Variants in LAMB4 observed in about 807,000 individuals in gnomAD.
LAMB4 encodes the protein laminin subunit beta-4.
Under a neutral mutation model 199.2 loss-of-function variants are expected in LAMB4, and 196 were observed. The observed-to-expected ratio is 0.98, with a 90% CI of 0.88 to 1.11. LAMB4 has a LOEUF of 1.11. Among genes scored for constraint, LAMB4 ranks in the 50% least tolerant of loss-of-function variants. The pLI is 0.00. For synonymous variants in LAMB4, 744 were observed against 770.6 expected (o/e 0.97, Z 0.57); for missense variants, 2,080 against 2,171.2 (o/e 0.96, Z 0.83).
Position 108,029,064 on chromosome 7 carries a change from CCTCTGTAT to C in LAMB4, c.5117_5124del (p.Asp1706GlyfsTer20), listed in dbSNP as rs1222020568. On this transcript the variant is annotated frameshift_variant, in exon 33 of 34. Coordinates refer to ENST00000388781, the MANE Select transcript of LAMB4 (RefSeq NM_007356.3). LOFTEE classifies it high-confidence loss of function. ...ATACCTGTTATTCTTCTTATCTTGG[CCTCTGTAT>C]CTCCAGCCAATTTTTCTGCCGCATC... 6.2e-7 allele frequency: 1 copy of C among 1,613,538 alleles called. No homozygotes were observed. The highest frequency in any genetic ancestry group is 1.1e-5 in the South Asian group (1 of 90,906).
chr7:108,031,519 A>G (rs2035040529), intron 31 of LAMB4, among the ~76,000 whole-genome samples: 1 of 152,062 alleles, frequency 6.6e-6, no homozygotes, highest in Non-Finnish European at 1.5e-5. Flanking sequence ...CCCCTCAAAG[A>G]CAACCACTAT....
chr7:108,108,574 A>G (rs937500159), intron 5 of LAMB4, among the ~76,000 whole-genome samples: 1 of 151,784 alleles, frequency 6.6e-6, no homozygotes, highest in African/African-American at 2.4e-5. Flanking sequence ...TGTACTTATC[A>G]CTTTGTATTA....
Position 108,118,272 on chromosome 7 carries a change from T to C in LAMB4, c.35-2111A>G, listed in dbSNP as rs138379713. On this transcript the variant is annotated intron_variant, in intron 2 of 33. Coordinates refer to ENST00000388781, the MANE Select transcript of LAMB4 (RefSeq NM_007356.3). Reference sequence around the variant, plus strand: ...ATTCAAAATGATAGTGATAATTTTGTAGATGTAAAATAGCCTCTAGATGGA... The same window carrying C: ...ATTCAAAATGATAGTGATAATTTTGCAGATGTAAAATAGCCTCTAGATGGA... Among the ~76,000 whole-genome samples the C allele has an allele frequency of 1.3e-3, 204 of 152,272 alleles. 1 individual carries two copies. The highest frequency in any genetic ancestry group is 4.6e-3 in the African/African-American group (193 of 41,558).
intron 14 of LAMB4, among the ~76,000 whole-genome samples, chr7:108,083,948 T>A (rs1041686519): frequency 6.6e-6 from 1 of 152,228 alleles, no homozygotes; most frequent in African/African-American, 2.4e-5. Flanking sequence ...AGCAGACCAG[T>A]AGTCACAAGA....
chr7:108,066,488 G>A lies in LAMB4; in HGVS notation c.2559C>T (p.Gly853=). 2 of 1,614,120 alleles carry A rather than the reference G, an allele frequency of 1.2e-6. No individual in the cohort carries two copies. The highest frequency in any genetic ancestry group is 8.5e-7 in the Non-Finnish European group (1 of 1,179,984). ...SGRRCDRCLA[G]YFGFPSCHPC... The stretch of plus-strand genomic sequence containing the variant: ...GGTGGCAGCTGGGAAATCCAAAGTA[G>A]CCTGCCAGGCAGCGATCACAGCGGC... Residue 853 remains glycine, a synonymous_variant, in exon 20 of 34, where the codon GGC becomes GGT. Coordinates refer to ENST00000388781, the MANE Select transcript of LAMB4 (RefSeq NM_007356.3).
At chr7:108,042,937 C>CTATGTG (rs1554426273) in intron 29 of LAMB4, among the ~76,000 whole-genome samples, 32 of 140,392 alleles carry the variant, frequency 2.3e-4, no homozygotes, top group African/African-American at 8.2e-4. Context: ...CTCTCAATCT[C>CTATGTG]TGTGTGTGTG....
At chr7:108,034,716 G>T (rs2035163836) in intron 30 of LAMB4, among the ~76,000 whole-genome samples, 1 of 152,134 alleles carries the variant, frequency 6.6e-6, no homozygotes, top group Middle Eastern at 3.2e-3. Context: ...TATTGGAGTG[G>T]GGGTTGGGAG....
chr7:108,112,453 G>A (rs550381053), intron 3 of LAMB4, among the ~76,000 whole-genome samples: 3 of 151,574 alleles, frequency 2.0e-5, no homozygotes, highest in East Asian at 2.0e-4. Context: ...CACCACACCC[G>A]GCTATTTTTT....
At chr7:108,092,644 G>A (rs751554187) in intron 12 of LAMB4, among the ~76,000 whole-genome samples, 1 of 152,172 alleles carries the variant, frequency 6.6e-6, no homozygotes, top group Non-Finnish European at 1.5e-5. Context: ...GGTGGCTCCT[G>A]CCTGTAATCC....
rs952463397 is a variant in LAMB4, at chr7:108,125,593, T to C, written c.-33-2396A>G. ...TAGGATATATCATGGCATTCCTGCT[T>C]CTCTCCAGTGGAGAACCTATTCACA... is the stretch of plus-strand genomic sequence containing the variant. On this transcript the variant is annotated intron_variant, in intron 1 of 33. Transcript: ENST00000388781. Among the ~76,000 whole-genome samples the C allele has an allele frequency of 2.0e-5, 3 of 152,290 alleles. No homozygotes were observed. The East Asian group carries it at 5.8e-4, about 29-fold the overall frequency.
rs1342833325 is a variant in LAMB4, at chr7:108,126,725, C to T, written c.-33-3528G>A. Among the ~76,000 whole-genome samples, 9 of 148,498 alleles carry T rather than the reference C, an allele frequency of 6.1e-5. No homozygotes were observed. The East Asian group carries it at 9.7e-4, about 16-fold the overall frequency. Reference sequence around the variant, plus strand: ...GACTACAGGCGCCCGCCACCGCGCCCGACTAATTTTTTTTTTGTATTTTTA... The same window carrying T: ...GACTACAGGCGCCCGCCACCGCGCCTGACTAATTTTTTTTTTGTATTTTTA... On this transcript the variant is annotated intron_variant, in intron 1 of 33. Coordinates refer to ENST00000388781, the MANE Select transcript of LAMB4 (RefSeq NM_007356.3).
intron 1 of LAMB4, among the ~76,000 whole-genome samples, chr7:108,129,706 T>A (rs1346384972): frequency 6.6e-6 from 1 of 152,070 alleles, no homozygotes; most frequent in Non-Finnish European, 1.5e-5. Flanking sequence ...GCTGTATAGT[T>A]TTTACAGAGA....
At chr7:108,035,550 A>G (rs1184301364) in intron 30 of LAMB4, among the ~76,000 whole-genome samples, 1 of 150,908 alleles carries the variant, frequency 6.6e-6, no homozygotes, top group African/African-American at 2.4e-5. Context: ...TCAAAAGAAA[A>G]AAAAAAAAAA....
At chr7:108,094,887 G>T (rs1419139057) in intron 12 of LAMB4, among the ~76,000 whole-genome samples, 2 of 152,116 alleles carry the variant, frequency 1.3e-5, no homozygotes, top group Non-Finnish European at 2.9e-5. Flanking sequence ...AGGGATAGAA[G>T]AAAGTTCTGG....
intron 33 of LAMB4, among the ~76,000 whole-genome samples, chr7:108,028,305 T>C (rs1352966390): frequency 6.6e-6 from 1 of 152,112 alleles, no homozygotes; most frequent in African/African-American, 2.4e-5. Flanking sequence ...ATTGACATTT[T>C]GGGCGGGACA....
intron 10 of LAMB4, among the ~76,000 whole-genome samples, chr7:108,101,593 A>T (rs1025013246): frequency 6.6e-6 from 1 of 152,168 alleles, no homozygotes; most frequent in African/African-American, 2.4e-5. Context: ...GTTCGTCGGC[A>T]AGTAAAGATT....
chr7:108,073,053 T>G (rs2036585644), intron 17 of LAMB4, among the ~76,000 whole-genome samples: 1 of 152,224 alleles, frequency 6.6e-6, no homozygotes, highest in African/African-American at 2.4e-5. Context: ...TGCCCAGGCC[T>G]GGAGTACAGT....
At chr7:108,120,034 A>G (rs1175515568) in intron 2 of LAMB4, among the ~76,000 whole-genome samples, 1 of 152,176 alleles carries the variant, frequency 6.6e-6, no homozygotes, top group African/African-American at 2.4e-5. Context: ...TACACATGTG[A>G]CATGTTCTAG....
At chr7:108,090,873 T>G (rs545381325) in intron 14 of LAMB4, among the ~76,000 whole-genome samples, 42 of 152,264 alleles carry the variant, frequency 2.8e-4, no homozygotes, top group South Asian at 4.1e-4. Context: ...GAAAATCTCC[T>G]GCTATGGTCT....
Sources: allele counts gnomAD v4.1 joint callset (sites outside exome capture counted in the v4.1 genomes callset), GRCh38; gene constraint gnomAD v4.1.1; transcripts MANE v1.5; gene names NCBI Gene and HGNC (gene_info 2026-07-23, HGNC 2026-07-21).